Variants in HDLBP observed in about 807,000 individuals in gnomAD.
HDLBP encodes the protein vigilin.
In HDLBP, 30 loss-of-function variants were observed where a neutral mutation model predicts 137.3. The observed-to-expected ratio is 0.22, with a 90% CI of 0.16 to 0.30. The LOEUF is 0.30. Among genes scored for constraint, HDLBP ranks in the 10% least tolerant of loss-of-function variants. The pLI is 1.00. For synonymous variants in HDLBP, 606 were observed against 596.0 expected, an observed-to-expected ratio of 1.02 and a Z score of -0.24; for missense variants, 1,119 against 1,667.3, an observed-to-expected ratio of 0.67 and a Z score of 5.73.
At chr2:241,287,001 TCTTCACCCTGTATCAAATGA>T (rs1312399433) in intron 1 of HDLBP, among the ~76,000 whole-genome samples, 1 of 151,032 alleles carries the variant, frequency 6.6e-6, no homozygotes, top group African/African-American at 2.4e-5. Context: ...TTCAAATAGG[TCTTCACCCTGTATCAAATGA>T]CTGGTGATTA....
chr2:241,231,888 C>T (rs1435027730), intron 24 of HDLBP, among the ~76,000 whole-genome samples: 3 of 98,678 alleles, frequency 3.0e-5, no homozygotes, highest in South Asian at 2.4e-4. Flanking sequence ...GACTAGAGGA[C>T]GGGGACAAAT....
Position 241,303,022 on chromosome 2 carries a change from C to G in HDLBP, c.-103+12548G>C, listed in dbSNP as rs190897773. Among the ~76,000 whole-genome samples the G allele has an allele frequency of 3.3e-5, 5 of 152,322 alleles. No homozygotes were observed. The East Asian group carries it at 7.7e-4, about 24-fold the overall frequency. On this transcript the variant is annotated intron_variant, in intron 1 of 27. Transcript: ENST00000310931. ...GGCCTAGTGTTGGGCAGGACTAACA[C>G]GCAGCACAACCACTAAATTCACACC...
intron 5 of HDLBP, among the ~76,000 whole-genome samples, chr2:241,258,209 T>C (rs931798110): frequency 8.6e-5 from 13 of 151,658 alleles, no homozygotes; most frequent in Admixed American, 7.2e-4. Flanking sequence ...AAAATTAGCA[T>C]GGTGGCAGGC....
At chr2:241,251,929 A>T (rs980175053) in intron 11 of HDLBP, among the ~76,000 whole-genome samples, 2 of 152,192 alleles carry the variant, frequency 1.3e-5, no homozygotes, top group African/African-American at 4.8e-5. Context: ...GTGAACTGAG[A>T]TCACGCCACT....
At position 241,233,702 on chromosome 2, in the gene HDLBP, T is replaced by C. The variant is rs2070067226; in HGVS notation, c.3288+118A>G. On this transcript the variant is annotated intron_variant, in intron 24 of 27. Coordinates refer to ENST00000310931, the MANE Select transcript of HDLBP (RefSeq NM_005336.6). This position sits in a 1 kb window ranked among gnomAD's most constrained non-coding sequence, Gnocchi z 4.3. ...AGCCAGAATTAGGTCCTGAGAGACTTGCCACTCTCAACTTGGCCCTCGAAC... is the reference window on the plus strand; with the variant it reads ...AGCCAGAATTAGGTCCTGAGAGACTCGCCACTCTCAACTTGGCCCTCGAAC... 9.2e-7 allele frequency: 1 copy of C among 1,092,760 alleles called. No individual in the cohort carries two copies. Among genetic ancestry groups the C allele is most frequent in the Non-Finnish European group, 1.3e-6 (1 of 743,956 alleles). The allele number at this position is 1,092,760 out of a possible 1,614,324, so 67.7% of individuals were successfully genotyped here.
intron 5 of HDLBP, 63 bp from the exon 6 acceptor site, chr2:241,256,869 T>C: frequency 1.4e-6 from 2 of 1,407,062 alleles, no homozygotes; most frequent in Non-Finnish European, 2.0e-6. Context: ...AGCATATTTT[T>C]CCAAGACATT....
Position 241,235,613 on chromosome 2 carries a change from T to C in HDLBP, c.2905-19A>G, listed in dbSNP as rs771022560. 4 of 1,578,406 alleles carry C rather than the reference T, an allele frequency of 2.5e-6. No individual in the cohort carries two copies. Among genetic ancestry groups the C allele is most frequent in the Admixed American group, 1.7e-5 (1 of 59,836 alleles). On this transcript the variant is annotated intron_variant, in intron 21 of 27. Coordinates refer to ENST00000310931, the MANE Select transcript of HDLBP (RefSeq NM_005336.6). ...CCAATGCCTGCAGGGAGGATGGTCA[T>C]GGTTAGGCCGTGGGAGCTGAGAGCA...
intron 1 of HDLBP, among the ~76,000 whole-genome samples, chr2:241,303,497 AC>A (rs2075461091): frequency 1.3e-5 from 2 of 152,330 alleles, no homozygotes; most frequent in South Asian, 4.1e-4. Flanking sequence ...ATACAAGAAC[AC>A]TTGGCTGCCT....
Position 241,253,491 on chromosome 2 carries a change from T to G in HDLBP, c.1195A>C (p.Ile399Leu). The G allele has an allele frequency of 6.2e-7, 1 of 1,611,394 alleles. No individual in the cohort carries two copies. ...KITQQMPKVH[I>L]EFTEGEDKIT... ...TTGTCTTCGCCCTCTGTGAACTCGA[T>G]GTGAACCTACCACACCAAAACCAAA... The change falls in exon 10 of 28, where the codon ATC becomes CTC. Residue 399 changes from isoleucine to leucine, a missense_variant. By Grantham distance (5) the Ile-to-Leu change is conservative (BLOSUM62 2). Transcript: ENST00000310931.
chr2:241,236,839 T>C, intron 20 of HDLBP, 70 bp from the exon 21 acceptor site: 2 of 1,526,756 alleles, frequency 1.3e-6, no homozygotes, highest in Admixed American at 1.8e-5. Flanking sequence ...TCAGAATGCA[T>C]ATGTCTGTGA....
chr2:241,239,614 G>T lies in HDLBP; in HGVS notation c.2598C>A (p.Ile866=), dbSNP rs376231585. The change falls in exon 19 of 28, where the codon ATC becomes ATA. Residue 866 remains isoleucine (I), a synonymous_variant. Transcript: ENST00000310931. This position sits in a 1 kb window ranked among gnomAD's most constrained non-coding sequence, Gnocchi z 4.6. The part of the protein sequence containing the change: ...VEAAKKRIQE[I]IEDLEAQVTL... The stretch of plus-strand genomic sequence containing the variant: ...CCCAAGTGCCTACCAGGTCCTCAAT[G>T]ATCTCCTGAATGCGTTTCTTGGCTG... 2 of 1,613,946 alleles carry T rather than the reference G, an allele frequency of 1.2e-6. No individual in the cohort carries two copies. The highest frequency in any genetic ancestry group is 2.7e-5 in the African/African-American group (2 of 74,910).
At chr2:241,293,799 T>C (rs940947136) in intron 1 of HDLBP, among the ~76,000 whole-genome samples, 3 of 141,992 alleles carry the variant, frequency 2.1e-5, no homozygotes, top group African/African-American at 7.9e-5. Flanking sequence ...CACGTGCCTG[T>C]AGTCCCCAGC....
At chr2:241,284,349 C>T (rs918580228) in intron 1 of HDLBP, among the ~76,000 whole-genome samples, 1 of 108,642 alleles carries the variant, frequency 9.2e-6, no homozygotes, top group East Asian at 5.4e-4. Flanking sequence ...AAAGCAACTG[C>T]AAGTGTGGTA....
chr2:241,257,757 T>C (rs1404582851), intron 5 of HDLBP, among the ~76,000 whole-genome samples: 1 of 151,946 alleles, frequency 6.6e-6, no homozygotes, highest in Non-Finnish European at 1.5e-5. Context: ...CCAACAAAAA[T>C]GAACAAGAAA....
chr2:241,239,912 T>C lies in HDLBP; in HGVS notation c.2380A>G (p.Ile794Val), dbSNP rs1401427824. ...GGCCCGCTCCCTACCAGGTTTTGGA[T>C]CAAGGCCTCCAGCTCCTTCTGTGCC... ...REAQKELEAL[I>V]QNLDNVVEDS... The change falls in exon 18 of 28, where the codon ATC becomes GTC. Residue 794 changes from isoleucine to valine, a missense_variant. Around this residue, in one of 4 missense-constraint regions of HDLBP, gnomAD observed 618 missense variants for 816.7 expected, o/e 0.76. Coordinates refer to ENST00000310931, the MANE Select transcript of HDLBP (RefSeq NM_005336.6). This position sits in a 1 kb window ranked among gnomAD's most constrained non-coding sequence, Gnocchi z 4.6. 2 of 1,614,066 alleles carry C rather than the reference T, an allele frequency of 1.2e-6. No individual in the cohort carries two copies. The highest frequency in any genetic ancestry group is 2.2e-5 in the South Asian group (2 of 91,072).
At chr2:241,267,928 C>A (rs906504275) in intron 2 of HDLBP, 1 of 985,390 alleles carries the variant, frequency 1.0e-6, no homozygotes, top group African/African-American at 1.7e-5. Flanking sequence ...AGCCACAGCT[C>A]CCTTATGTGA....
At chr2:241,315,206 G>C (rs571595977) in intron 1 of HDLBP, 1 of 152,256 alleles carries the variant, frequency 6.6e-6, no homozygotes, top group Admixed American at 6.5e-5. Context: ...ACGTCCCCGG[G>C]GAGGGACGCC....
chr2:241,273,583 AG>A lies in HDLBP; in HGVS notation c.-102-5043del, dbSNP rs1288559260. 11 of 984,856 alleles carry A rather than the reference AG, an allele frequency of 1.1e-5. No homozygotes were observed. In the African/African-American group the frequency reaches 1.9e-4, roughly 17 times the overall value. 61.0% of individuals were successfully genotyped at this position (984,856 alleles called of 1,614,324 possible). A position where few individuals can be genotyped will look rare whatever the true frequency, so the allele number is the denominator to read the frequency against. ...GTGATAACTGCCACTGTTTCTTTTA[AG>A]GGTATAAAGGGAGTCGAGCAATCTG... On this transcript the variant is annotated intron_variant, in intron 1 of 27. Transcript: ENST00000310931.
At chr2:241,269,287 G>A (rs1041011494) in intron 1 of HDLBP, 1 of 152,254 alleles carries the variant, frequency 6.6e-6, no homozygotes, top group Admixed American at 6.5e-5. Context: ...ACAGGAGTGA[G>A]GCATGTGTCT....
Sources: gnomAD v4.1 joint callset for allele counts (sites outside exome capture counted in the v4.1 genomes callset) on GRCh38, gnomAD v4.1.1 for gene constraint, gnomAD v4.1.1 regional missense constraint, Gnocchi (gnomAD v3.1) non-coding constraint, MANE v1.5 for transcripts, NCBI Gene and HGNC (gene_info 2026-07-23, HGNC 2026-07-21) for gene names.